ASAP1: variants seen among roughly 807,000 people sequenced by gnomAD.
ASAP1 encodes the protein arf-GAP with SH3 domain, ANK repeat and PH domain-containing protein 1.
In ASAP1, 43 loss-of-function variants were observed where a neutral mutation model predicts 145.2. The observed-to-expected ratio is 0.30, with a 90% CI of 0.23 to 0.38. ASAP1 has a LOEUF of 0.38. ASAP1 is among the 10% of genes least tolerant of loss of function. The pLI is 1.00. For synonymous variants in ASAP1, 546 were observed against 515.5 expected (o/e 1.06, Z -0.80); for missense variants, 1,018 against 1,355.3 (o/e 0.75, Z 3.91).
intron 2 of ASAP1, among the ~76,000 whole-genome samples, chr8:130,390,261 T>G (rs1828213606): frequency 6.6e-6 from 1 of 152,232 alleles, no homozygotes; most frequent in Non-Finnish European, 1.5e-5. Context: ...TATAAGTTTC[T>G]CAGTTGTACG....
chr8:130,183,543 C>T (rs910455476), intron 7 of ASAP1, among the ~76,000 whole-genome samples: 2 of 151,962 alleles, frequency 1.3e-5, no homozygotes, highest in African/African-American at 4.8e-5. Context: ...GGTTTTGCCA[C>T]GTTGGTCAGG....
At chr8:130,254,373 A>G (rs1326502251) in intron 3 of ASAP1, among the ~76,000 whole-genome samples, 1 of 152,234 alleles carries the variant, frequency 6.6e-6, no homozygotes, top group Non-Finnish European at 1.5e-5. Flanking sequence ...GGGAAACTCA[A>G]ATGGTGAGAA....
chr8:130,134,529 T>C (rs1169766995), intron 14 of ASAP1, among the ~76,000 whole-genome samples, 185 bp from the exon 15 acceptor site: 8 of 152,190 alleles, frequency 5.3e-5, no homozygotes, highest in Non-Finnish European at 1.2e-4. Context: ...AAGCTCTATC[T>C]GTTTCTCATA....
At chr8:130,108,120 C>T (rs558120905) in intron 24 of ASAP1, among the ~76,000 whole-genome samples, 127 of 152,376 alleles carry the variant, frequency 8.3e-4, no homozygotes, top group Non-Finnish European at 1.5e-3. Flanking sequence ...TCTATTGACG[C>T]TCTCAGTATG....
chr8:130,329,408 T>C (rs967381220), intron 3 of ASAP1, among the ~76,000 whole-genome samples: 6 of 152,170 alleles, frequency 3.9e-5, no homozygotes, highest in African/African-American at 1.4e-4. Flanking sequence ...ATCCTAAGTA[T>C]TGCCAAAGGG....
At chr8:130,188,741 A>AAAAAAAAAAG in intron 5 of ASAP1, among the ~76,000 whole-genome samples, 1 of 145,064 alleles carries the variant, frequency 6.9e-6, no homozygotes, top group Non-Finnish European at 1.5e-5. Context: ...AAAAAAAAAA[A>AAAAAAAAAAG]AAAAGAAAAG....
chr8:130,127,612 C>G (rs540851257), intron 16 of ASAP1, among the ~76,000 whole-genome samples: 1 of 152,082 alleles, frequency 6.6e-6, no homozygotes, highest in Non-Finnish European at 1.5e-5. Context: ...GAGTGGTGGA[C>G]AGTGATACAA....
At chr8:130,242,758 A>C (rs573589671) in intron 3 of ASAP1, among the ~76,000 whole-genome samples, 1 of 152,270 alleles carries the variant, frequency 6.6e-6, no homozygotes, top group East Asian at 1.9e-4. Context: ...CAATGTGATC[A>C]TGAGTAGAGT....
At chr8:130,354,225 G>C (rs1826171118) in intron 3 of ASAP1, among the ~76,000 whole-genome samples, 1 of 152,048 alleles carries the variant, frequency 6.6e-6, no homozygotes, top group African/African-American at 2.4e-5. Context: ...TTATTTACTA[G>C]CCACTTGACC....
At chr8:130,120,394 A>G (rs2097563873) in intron 18 of ASAP1, among the ~76,000 whole-genome samples, 1 of 152,272 alleles carries the variant, frequency 6.6e-6, no homozygotes, top group Non-Finnish European at 1.5e-5. Context: ...TGGGTAAATC[A>G]AGTTCTCACT....
chr8:130,223,608 T>C (rs1271161609), intron 4 of ASAP1, among the ~76,000 whole-genome samples: 3 of 152,058 alleles, frequency 2.0e-5, no homozygotes, highest in Non-Finnish European at 4.4e-5. Flanking sequence ...CAGACTCTTG[T>C]CTTCTTAGCC....
chr8:130,130,984 A>G (rs1466481767), intron 15 of ASAP1, among the ~76,000 whole-genome samples: 4 of 152,086 alleles, frequency 2.6e-5, no homozygotes, highest in East Asian at 1.9e-4. Context: ...GTGAAACCCC[A>G]TCTCTACTAA....
chr8:130,326,571 A>G (rs970736942), intron 3 of ASAP1, among the ~76,000 whole-genome samples: 5 of 152,274 alleles, frequency 3.3e-5, no homozygotes, highest in African/African-American at 1.2e-4. Context: ...TTCCCCTGAA[A>G]AAAGCTTAAA....
intron 2 of ASAP1, among the ~76,000 whole-genome samples, chr8:130,395,295 C>T (rs1200372930): frequency 2.0e-5 from 3 of 152,326 alleles, no homozygotes; most frequent in South Asian, 2.1e-4. Flanking sequence ...ACGTTTGACA[C>T]GTCCTCTTGC....
chr8:130,166,859 A>G (rs1466219829), intron 11 of ASAP1, among the ~76,000 whole-genome samples: 1 of 152,234 alleles, frequency 6.6e-6, no homozygotes, highest in African/African-American at 2.4e-5. Context: ...CTTCTGTAGG[A>G]TTCTGCATCA....
Position 130,079,902 on chromosome 8 carries a change from C to T in ASAP1, c.2642G>A (p.Ser881Asn). Reference protein sequence around the residue: ...NKFEGLSQQSSTSSAKTALGP... With the variant: ...NKFEGLSQQSNTSSAKTALGP... ...GAAATGAAGCGCTGAGATGGCTTAC[C>T]TCGACTGCTGGGATAGTCCCTCAAA... The change falls in exon 26 of 30, where the codon AGC (serine) becomes AAC (asparagine). Residue 881 changes from serine (S) to asparagine (N), a missense_variant and splice_region_variant. This residue lies in a region of ASAP1 where 38 missense variants were observed against 77.2 expected (regional missense o/e 0.49). Coordinates refer to ENST00000518721, the MANE Select transcript of ASAP1 (RefSeq NM_018482.4). 6.2e-7 allele frequency: 1 copy of T among 1,613,888 alleles called. No homozygotes were observed. Among genetic ancestry groups the T allele is most frequent in the South Asian group, 1.1e-5 (1 of 91,082 alleles).
chr8:130,160,601 G>A (rs1421192070), intron 11 of ASAP1, among the ~76,000 whole-genome samples: 2 of 152,124 alleles, frequency 1.3e-5, no homozygotes, highest in Non-Finnish European at 2.9e-5. Flanking sequence ...TGTAAAAAAG[G>A]TTGATTTATT....
At chr8:130,070,592 T>A (rs1360853636) in intron 27 of ASAP1, among the ~76,000 whole-genome samples, 1 of 151,854 alleles carries the variant, frequency 6.6e-6, no homozygotes, top group Non-Finnish European at 1.5e-5. Context: ...CAGCAACAAC[T>A]ACTGGGACTT....
At chr8:130,347,108 G>A (rs774109296) in intron 3 of ASAP1, among the ~76,000 whole-genome samples, 8 of 152,214 alleles carry the variant, frequency 5.3e-5, no homozygotes, top group Non-Finnish European at 8.8e-5. Flanking sequence ...ATTTTCCGAA[G>A]ACAGCCAAGT....
Sources: allele counts gnomAD v4.1 joint callset (sites outside exome capture counted in the v4.1 genomes callset), GRCh38; gene constraint gnomAD v4.1.1; regional missense constraint gnomAD v4.1.1; transcripts MANE v1.5; gene names NCBI Gene and HGNC (gene_info 2026-07-23, HGNC 2026-07-21).